The following MAL2 variants were observed in gnomAD, a reference collection of about 807,000 sequenced individuals.
MAL2 encodes the protein mal, T cell differentiation protein 2, also known as protein MAL2.
In MAL2, 17 loss-of-function variants were observed where a neutral mutation model predicts 18.1. The observed-to-expected ratio is 0.94, with a 90% confidence interval of 0.64 to 1.41. MAL2 has a LOEUF of 1.41. MAL2 is among the 40% of genes most tolerant of loss of function. MAL2 has a pLI of 0.00. For synonymous variants in MAL2, 102 were observed against 102.3 expected (o/e 1.00, Z 0.02); for missense variants, 222 against 231.9 (o/e 0.96, Z 0.28).
intron 2 of MAL2, among the ~76,000 whole-genome samples, chr8:119,236,980 T>G (rs1817915790): frequency 6.6e-6 from 1 of 151,350 alleles, no homozygotes; most frequent in South Asian, 2.1e-4. Context: ...CAAAAAACCC[T>G]TCAAAAAATC....
chr8:119,214,515 G>T (rs1411902063), intron 1 of MAL2, among the ~76,000 whole-genome samples: 1 of 152,136 alleles, frequency 6.6e-6, no homozygotes, highest in Admixed American at 6.5e-5. Flanking sequence ...GCATTGGCAC[G>T]CAGGAACAGC....
Position 119,231,278 on chromosome 8 carries a change from C to T in MAL2, c.304-8887C>T, listed in dbSNP as rs945412754. On this transcript the variant is annotated intron_variant, in intron 2 of 3. Transcript: ENST00000614891. ...CTCTCTCCTGACCTCATGATCCGCC[C>T]GCCTTGACCTCCCAAAGTGCTGGGA... Among the ~76,000 whole-genome samples, 42 of 152,284 alleles carry T rather than the reference C, an allele frequency of 2.8e-4. 1 individual carries two copies. The highest frequency in any genetic ancestry group is 1.0e-3 in the South Asian group (5 of 4,828).
chr8:119,226,713 A>G (rs972976257), intron 2 of MAL2, among the ~76,000 whole-genome samples: 3 of 152,176 alleles, frequency 2.0e-5, no homozygotes, highest in Non-Finnish European at 4.4e-5. Flanking sequence ...GCAGAGATTT[A>G]CAAATGGTGG....
chr8:119,233,449 AAG>A (rs1817782796), intron 2 of MAL2, among the ~76,000 whole-genome samples: 1 of 149,820 alleles, frequency 6.7e-6, no homozygotes, highest in African/African-American at 2.5e-5. Flanking sequence ...TAAAGAAGAA[AAG>A]AGAGAAGAAT....
At chr8:119,236,165 T>G (rs1186563003) in intron 2 of MAL2, among the ~76,000 whole-genome samples, 1 of 87,114 alleles carries the variant, frequency 1.1e-5, no homozygotes, top group Non-Finnish European at 2.2e-5. Context: ...TAAAACAGAC[T>G]TTAAACCAAC....
chr8:119,213,474 G>C (rs561365003), intron 1 of MAL2, among the ~76,000 whole-genome samples: 20 of 152,292 alleles, frequency 1.3e-4, no homozygotes, highest in African/African-American at 4.3e-4. Flanking sequence ...TTTTAAAACT[G>C]TAGGTATTTT....
At chr8:119,240,560 A>C (rs939561798) in intron 3 of MAL2, among the ~76,000 whole-genome samples, 1 of 152,378 alleles carries the variant, frequency 6.6e-6, no homozygotes, top group East Asian at 1.9e-4. Context: ...ATAGCAAGCC[A>C]GTAGGACTGC....
At chr8:119,242,683 C>T (rs913569981) in intron 3 of MAL2, among the ~76,000 whole-genome samples, 1 of 152,072 alleles carries the variant, frequency 6.6e-6, no homozygotes, top group Admixed American at 6.6e-5. Flanking sequence ...GTATTCCTTC[C>T]CAGAACTGGT....
At chr8:119,232,779 A>G (rs1030647070) in intron 2 of MAL2, among the ~76,000 whole-genome samples, 15 of 152,218 alleles carry the variant, frequency 9.9e-5, no homozygotes, top group African/African-American at 3.6e-4. Flanking sequence ...TAAAGACAGC[A>G]TATGTTATGG....
In MAL2 at chr8:119,213,392, T is replaced by C. The variant is rs139662236; in HGVS notation, c.132+4788T>C. 5.5e-3 allele frequency among the ~76,000 whole-genome samples: 843 copies of C among 152,314 alleles called. 8 individuals carry two copies. Among genetic ancestry groups the C allele is most frequent in the African/African-American group, 0.02 (812 of 41,574 alleles). The stretch of plus-strand genomic sequence containing the variant: ...AGTTTATTGCCTGGAAAATGTTGAC[T>C]GTGAAGGGACATTGCTTATTTGCAG... On this transcript the variant is annotated intron_variant, in intron 1 of 3. Coordinates refer to ENST00000614891, the MANE Select transcript of MAL2 (RefSeq NM_052886.3).
intron 2 of MAL2, among the ~76,000 whole-genome samples, chr8:119,234,392 G>A (rs990284231): frequency 9.2e-5 from 14 of 152,206 alleles, no homozygotes; most frequent in African/African-American, 2.7e-4. Context: ...AGGGGCGCCC[G>A]CCATTGCCCA....
At chr8:119,237,568 C>T (rs1447780432) in intron 2 of MAL2, among the ~76,000 whole-genome samples, 1 of 151,694 alleles carries the variant, frequency 6.6e-6, no homozygotes, top group Admixed American at 6.5e-5. Flanking sequence ...AATCCAGCAG[C>T]ACATCAAAAA....
In MAL2 at chr8:119,208,381, G is replaced by A. The variant is rs1408134051; in HGVS notation, c.-92G>A. 2 of 703,746 alleles carry A rather than the reference G, an allele frequency of 2.8e-6. No individual in the cohort carries two copies. Among genetic ancestry groups the A allele is most frequent in the Non-Finnish European group, 3.5e-6 (2 of 572,816 alleles). 43.6% of individuals were successfully genotyped at this position (703,746 alleles called of 1,614,324 possible). A position where few individuals can be genotyped will look rare whatever the true frequency, so the allele number is the denominator to read the frequency against. On this transcript the variant is annotated 5_prime_UTR_variant, in exon 1 of 4. Transcript: ENST00000614891. This position sits in a 1 kb window ranked among gnomAD's most constrained non-coding sequence, Gnocchi z 4.3. ...GCGCGGCGCGCCCGGAGCCCGCGGA[G>A]CTGAGCGGCGGCGGCGGCGGCGGCA... is the stretch of plus-strand genomic sequence containing the variant.
At chr8:119,243,103 G>T (rs1818079203) in intron 3 of MAL2, among the ~76,000 whole-genome samples, 1 of 152,168 alleles carries the variant, frequency 6.6e-6, no homozygotes, top group African/African-American at 2.4e-5. Flanking sequence ...TAAATACAGT[G>T]CTTAGGGATT....
intron 2 of MAL2, among the ~76,000 whole-genome samples, chr8:119,222,152 C>G (rs922868638): frequency 6.6e-6 from 1 of 150,870 alleles, no homozygotes; most frequent in Non-Finnish European, 1.5e-5. Flanking sequence ...ATTTTTTTTT[C>G]AGAAAACAAA....
In MAL2 at chr8:119,209,025, A is replaced by G. The variant is rs541869139; in HGVS notation, c.132+421A>G. 5.1e-5 allele frequency: 8 copies of G among 155,698 alleles called. No homozygotes were observed. The East Asian group carries it at 1.3e-3, about 26-fold the overall frequency. 9.6% of individuals were successfully genotyped at this position (155,698 alleles called of 1,614,324 possible). A position where few individuals can be genotyped will look rare whatever the true frequency, so the allele number is the denominator to read the frequency against. On this transcript the variant is annotated intron_variant, in intron 1 of 3. Transcript: ENST00000614891. Reference sequence around the variant, plus strand: ...ATTTTGTTGGGTGGTGCAAAGGTGTAGCCGATGACTGGGTGACCTGGTGGC... The same window carrying G: ...ATTTTGTTGGGTGGTGCAAAGGTGTGGCCGATGACTGGGTGACCTGGTGGC...
In MAL2 at chr8:119,208,595, C is replaced by T; in HGVS notation, c.123C>T (p.Cys41=). 2 of 1,359,082 alleles carry T rather than the reference C, an allele frequency of 1.5e-6. No homozygotes were observed. Among genetic ancestry groups the T allele is most frequent in the Non-Finnish European group, 1.9e-6 (2 of 1,053,426 alleles). The allele number at this position is 1,359,082 out of a possible 1,614,324, so 84.2% of individuals were successfully genotyped here. ...GGACCTACTCGGGCGCCTTCGTCTGCCTGGAGATTGTAAGTGGGGCCGCCG... is the reference window on the plus strand; with the variant it reads ...GGACCTACTCGGGCGCCTTCGTCTGTCTGGAGATTGTAAGTGGGGCCGCCG... The part of the protein sequence containing the change: ...ILRTYSGAFV[C]LEILFGGLVW... Residue 41 remains cysteine (C), a synonymous_variant, in exon 1 of 4, where the codon TGC becomes TGT. Coordinates refer to ENST00000614891, the MANE Select transcript of MAL2 (RefSeq NM_052886.3). The surrounding 1 kb of genome is among the most constrained non-coding windows in gnomAD (Gnocchi z 4.3).
chr8:119,230,361 G>A (rs898745023), intron 2 of MAL2, among the ~76,000 whole-genome samples: 3 of 151,646 alleles, frequency 2.0e-5, no homozygotes, highest in African/African-American at 7.3e-5. Flanking sequence ...AAATAGGATT[G>A]GACAGGAAAG....
chr8:119,227,910 T>G (rs577422250), intron 2 of MAL2, among the ~76,000 whole-genome samples: 32 of 152,312 alleles, frequency 2.1e-4, no homozygotes, highest in African/African-American at 7.5e-4. Flanking sequence ...GTGGTCTCAG[T>G]GGTTTCCTGT....
Sources: allele counts gnomAD v4.1 joint callset (sites outside exome capture counted in the v4.1 genomes callset), GRCh38; gene constraint gnomAD v4.1.1; non-coding constraint Gnocchi (gnomAD v3.1); transcripts MANE v1.5; gene names NCBI Gene and HGNC (gene_info 2026-07-23, HGNC 2026-07-21).